Variants in TSNAX observed in about 807,000 individuals in gnomAD.
TSNAX encodes the protein translin-associated protein X.
TSNAX carries 12 observed loss-of-function variants against 33.0 expected under a neutral mutation model. That is an observed-to-expected ratio of 0.36 (90% CI 0.23 to 0.59). TSNAX has a LOEUF of 0.59. Among genes scored for constraint, TSNAX ranks in the 20% least tolerant of loss-of-function variants. The probability of loss-of-function intolerance (pLI) is 0.74; values close to 1 mark genes in which losing one functional copy is unlikely to be tolerated. For synonymous variants in TSNAX, 110 were observed against 117.2 expected, an observed-to-expected ratio of 0.94 and a Z score of 0.40; for missense variants, 267 against 341.3, an observed-to-expected ratio of 0.78 and a Z score of 1.72.
chr1:231,558,616 T>TG (rs1246709334), intron 4 of TSNAX, among the ~76,000 whole-genome samples: 1 of 152,090 alleles, frequency 6.6e-6, no homozygotes, highest in South Asian at 2.1e-4. Flanking sequence ...CATTAGAGCA[T>TG]GGAGATGTGA....
At chr1:231,559,357 C>T (rs537595170) in intron 4 of TSNAX, among the ~76,000 whole-genome samples, 2 of 149,174 alleles carry the variant, frequency 1.3e-5, no homozygotes, top group Admixed American at 1.4e-4. Flanking sequence ...GAGATGGAAT[C>T]TTGCTCTGTT....
chr1:231,550,787 T>C (rs1235798307), intron 4 of TSNAX, among the ~76,000 whole-genome samples: 1 of 152,074 alleles, frequency 6.6e-6, no homozygotes, highest in African/African-American at 2.4e-5. Flanking sequence ...AAGCTGACAA[T>C]GGGGGCAAGC....
intron 2 of TSNAX, among the ~76,000 whole-genome samples, chr1:231,533,552 A>G (rs1175828225): frequency 6.6e-6 from 1 of 152,244 alleles, no homozygotes; most frequent in African/African-American, 2.4e-5. Context: ...TATCAGATCA[A>G]TATTCTACTG....
At chr1:231,539,680 A>G (rs996062518) in intron 3 of TSNAX, among the ~76,000 whole-genome samples, 2 of 152,316 alleles carry the variant, frequency 1.3e-5, no homozygotes, top group African/African-American at 2.4e-5. Context: ...AAGCTACTTA[A>G]TGAGACAAAT....
At chr1:231,532,098 G>T (rs1371117595) in intron 2 of TSNAX, among the ~76,000 whole-genome samples, 2 of 132,674 alleles carry the variant, frequency 1.5e-5, no homozygotes, top group Non-Finnish European at 3.1e-5. Context: ...TAACTGAGGT[G>T]ATGGATACGT....
rs761988668 is a variant in TSNAX, at chr1:231,564,935, T to C, written c.*30T>C. 2.5e-6 allele frequency: 4 copies of C among 1,598,306 alleles called. No homozygotes were observed. Among genetic ancestry groups the C allele is most frequent in the Non-Finnish European group, 3.4e-6 (4 of 1,171,480 alleles). On this transcript the variant is annotated 3_prime_UTR_variant, in exon 6 of 6. Coordinates refer to ENST00000366639, the MANE Select transcript of TSNAX (RefSeq NM_005999.3). ...TAACGTTACTCAGTTACTAATTCTTTTGAGAACTCCTAAGAGACCAATTTG... is the reference window on the plus strand; with the variant it reads ...TAACGTTACTCAGTTACTAATTCTTCTGAGAACTCCTAAGAGACCAATTTG...
At chr1:231,535,054 T>G in intron 2 of TSNAX, 1 of 152,056 alleles carries the variant, frequency 6.6e-6, no homozygotes, top group Middle Eastern at 3.2e-3. Flanking sequence ...TCAAGAAAGG[T>G]ACAAGCTTAG....
intron 4 of TSNAX, among the ~76,000 whole-genome samples, chr1:231,560,519 A>G (rs1188446794): frequency 1.4e-5 from 2 of 138,548 alleles, no homozygotes; most frequent in African/African-American, 2.7e-5. Context: ...GGTTCAAGCG[A>G]TTCTCCTGCC....
chr1:231,537,381 T>G (rs1167489956), intron 3 of TSNAX, 54 bp downstream of exon 3: 1 of 1,200,322 alleles, frequency 8.3e-7, no homozygotes, highest in East Asian at 2.4e-5. Flanking sequence ...ATTAGAATAT[T>G]CTGTGACTTT....
chr1:231,535,265 G>A (rs992024243), intron 2 of TSNAX: 7 of 152,232 alleles, frequency 4.6e-5, no homozygotes, highest in Admixed American at 3.3e-4. Flanking sequence ...TATATACAAC[G>A]TTCTGTAAGT....
chr1:231,565,170 A>G lies in TSNAX; in HGVS notation c.*265A>G. The G allele has an allele frequency of 5.6e-6, 2 of 356,964 alleles. No individual in the cohort carries two copies. Among genetic ancestry groups the G allele is most frequent in the Non-Finnish European group, 5.1e-6 (1 of 196,976 alleles). 22.1% of individuals were successfully genotyped at this position (356,964 alleles called of 1,614,324 possible). ...GTTAACCTTTATCATTTATCTTTGT[A>G]ATGTGAACATGCTTCAGAGTGTACC... On this transcript the variant is annotated 3_prime_UTR_variant, in exon 6 of 6. Transcript: ENST00000366639.
At chr1:231,563,095 A>T (rs944339983) in intron 5 of TSNAX, among the ~76,000 whole-genome samples, 1 of 152,194 alleles carries the variant, frequency 6.6e-6, no homozygotes, top group Non-Finnish European at 1.5e-5. Context: ...CCCTTGTCTC[A>T]GCTTATATTT....
chr1:231,541,025 T>A (rs371017523), intron 3 of TSNAX, among the ~76,000 whole-genome samples: 2 of 152,208 alleles, frequency 1.3e-5, no homozygotes, highest in Non-Finnish European at 2.9e-5. Flanking sequence ...TCTCTCTTGC[T>A]TTTTAAAAAT....
intron 4 of TSNAX, among the ~76,000 whole-genome samples, chr1:231,555,195 G>A (rs1558133753): frequency 6.6e-6 from 1 of 152,156 alleles, no homozygotes. Context: ...ACAAAGTGTG[G>A]TATATGCATA....
chr1:231,559,818 C>CT (rs529215479), intron 4 of TSNAX, among the ~76,000 whole-genome samples: 79 of 147,982 alleles, frequency 5.3e-4, no homozygotes, highest in African/African-American at 1.4e-3. Context: ...GCATAGCTCT[C>CT]TTTTTTTTTT....
chr1:231,554,963 T>G (rs1660591346), intron 4 of TSNAX, among the ~76,000 whole-genome samples: 1 of 152,206 alleles, frequency 6.6e-6, no homozygotes, highest in Non-Finnish European at 1.5e-5. Context: ...AAAAGATGGA[T>G]GTAAAGTTCC....
At chr1:231,532,171 CACACACACACACA>C (rs1376124100) in intron 2 of TSNAX, among the ~76,000 whole-genome samples, 1 of 93,970 alleles carries the variant, frequency 1.1e-5, no homozygotes, top group Non-Finnish European at 2.5e-5. Context: ...CACACACACA[CACACACACACACA>C]CAGTTTTGGT....
chr1:231,534,510 C>T (rs1385428076), intron 2 of TSNAX: 1 of 151,970 alleles, frequency 6.6e-6, no homozygotes, highest in East Asian at 1.9e-4. Context: ...GAGACAGATT[C>T]AACAGTGCTT....
intron 4 of TSNAX, among the ~76,000 whole-genome samples, chr1:231,560,125 G>A (rs140839287): frequency 0.016 from 2,385 of 149,670 alleles, 69 homozygotes; most frequent in African/African-American, 0.056. Context: ...GACTACAGGC[G>A]CCCGCCACCA....
Sources: allele counts gnomAD v4.1 joint callset (sites outside exome capture counted in the v4.1 genomes callset), GRCh38; gene constraint gnomAD v4.1.1; transcripts MANE v1.5; gene names NCBI Gene and HGNC (gene_info 2026-07-23, HGNC 2026-07-21).